The following GAS7 variants were observed in gnomAD, a reference collection of about 807,000 sequenced individuals.
GAS7 encodes the protein growth arrest-specific protein 7.
Under a neutral mutation model 71.1 loss-of-function variants are expected in GAS7, and 28 were observed. The ratio of observed to expected loss-of-function variants is 0.39; its 90% CI spans 0.29 to 0.54. The LOEUF is 0.54. GAS7 is among the 20% of genes least tolerant of loss of function. The pLI is 0.62. For missense variants in GAS7, 436 were observed against 627.8 expected (o/e 0.69, Z 3.27); for synonymous variants, 258 against 245.8 (o/e 1.05, Z -0.46).
At position 9,943,048 on chromosome 17, in the gene GAS7, G is replaced by A. The variant is rs2240740; in HGVS notation, c.731+73C>T. The A allele has an allele frequency of 0.043, 39,626 of 916,936 alleles. 2,011 individuals carry two copies. The highest frequency in any genetic ancestry group is 0.2 in the African/African-American group (12,388 of 61,040). 56.8% of individuals were successfully genotyped at this position (916,936 alleles called of 1,614,324 possible). A position where few individuals can be genotyped will look rare whatever the true frequency, so the allele number is the denominator to read the frequency against. On this transcript the variant is annotated intron_variant, in intron 7 of 13. Transcript: ENST00000432992. ...GTGCAGTACTGAGTCCTGTGCTGTC[G>A]CCCCGCCCCGGCCACGGGGCCCCGG...
intron 1 of GAS7, among the ~76,000 whole-genome samples, chr17:10,150,591 C>CTTTTTTT (rs3051271): frequency 0.57 from 66,716 of 118,024 alleles, 20,010 homozygotes; most frequent in African/African-American, 0.61. Flanking sequence ...TGTTACATTT[C>CTTTTTTT]TTTTTTTTTT....
chr17:10,184,867 G>C (rs2074440277), intron 1 of GAS7, among the ~76,000 whole-genome samples: 1 of 151,940 alleles, frequency 6.6e-6, no homozygotes, highest in South Asian at 2.1e-4. Flanking sequence ...AGCCCCACCT[G>C]CTGACCTCCA....
At chr17:10,028,108 T>C (rs1188287068) in intron 1 of GAS7, among the ~76,000 whole-genome samples, 3 of 152,250 alleles carry the variant, frequency 2.0e-5, no homozygotes, top group African/African-American at 2.4e-5. Flanking sequence ...TTTCACCGCG[T>C]TGGCCAGGAT....
intron 1 of GAS7, among the ~76,000 whole-genome samples, chr17:10,068,454 T>C (rs113242053): frequency 1.3e-5 from 2 of 152,028 alleles, no homozygotes; most frequent in Admixed American, 6.6e-5. Context: ...GCATATGTTT[T>C]ACTTCTGGTA....
intron 5 of GAS7, among the ~76,000 whole-genome samples, chr17:9,951,782 A>C (rs1372978537): frequency 6.8e-6 from 1 of 146,112 alleles, no homozygotes; most frequent in Non-Finnish European, 1.5e-5. Flanking sequence ...AAAAAAAAAA[A>C]AAAACAAGAA....
intron 2 of GAS7, among the ~76,000 whole-genome samples, chr17:10,017,066 G>A (rs9897528): frequency 0.058 from 8,673 of 149,912 alleles, 406 homozygotes; most frequent in African/African-American, 0.13. Flanking sequence ...AGGAGGTTGA[G>A]GCTGCAGTGA....
At chr17:10,029,480 T>C (rs1257529223) in intron 1 of GAS7, among the ~76,000 whole-genome samples, 1 of 152,234 alleles carries the variant, frequency 6.6e-6, no homozygotes, top group Non-Finnish European at 1.5e-5. Context: ...TTTCTAGTTA[T>C]ACAATCATGT....
chr17:10,055,993 C>T (rs1031687028), intron 1 of GAS7, among the ~76,000 whole-genome samples: 1 of 152,188 alleles, frequency 6.6e-6, no homozygotes, highest in Non-Finnish European at 1.5e-5. Flanking sequence ...AGTGAATTAT[C>T]CCCAATTCTG....
intron 1 of GAS7, among the ~76,000 whole-genome samples, chr17:10,110,265 G>A (rs1217218302): frequency 6.6e-6 from 1 of 152,046 alleles, no homozygotes; most frequent in Non-Finnish European, 1.5e-5. Context: ...CGGAACTGGA[G>A]GTTATTATGT....
At chr17:10,056,788 C>T (rs2073144137) in intron 1 of GAS7, among the ~76,000 whole-genome samples, 1 of 150,826 alleles carries the variant, frequency 6.6e-6, no homozygotes, top group Non-Finnish European at 1.5e-5. Context: ...CTCTCCCTCT[C>T]TTTCCACGGT....
chr17:9,919,750 C>T lies in GAS7; in HGVS notation c.1139-45G>A, dbSNP rs375916477. On this transcript the variant is annotated intron_variant, in intron 11 of 13. Coordinates refer to ENST00000432992, the MANE Select transcript of GAS7 (RefSeq NM_201433.2). The surrounding 1 kb of genome is among the most constrained non-coding windows in gnomAD (Gnocchi z 5.0). ...ACCATCATGAAGCATCCTATCCTCACCATGACTCTGTGCCCCACCCTGAGC... is the reference window on the plus strand; with the variant it reads ...ACCATCATGAAGCATCCTATCCTCATCATGACTCTGTGCCCCACCCTGAGC... 24 of 1,392,960 alleles carry T rather than the reference C, an allele frequency of 1.7e-5. No homozygotes were observed. The highest frequency in any genetic ancestry group is 9.9e-5 in the African/African-American group (7 of 70,688). 86.3% of individuals were successfully genotyped at this position (1,392,960 alleles called of 1,614,324 possible).
chr17:10,085,691 CAAA>C (rs1194345705), intron 1 of GAS7, among the ~76,000 whole-genome samples: 1 of 58,246 alleles, frequency 1.7e-5, no homozygotes. Flanking sequence ...GATTCCGTCT[CAAA>C]AAAAAAAAAA....
chr17:9,989,216 A>G (rs1189640813), intron 2 of GAS7, among the ~76,000 whole-genome samples: 1 of 151,720 alleles, frequency 6.6e-6, no homozygotes, highest in Non-Finnish European at 1.5e-5. Flanking sequence ...AAAGACCACC[A>G]TTTTCTGGCC....
intron 1 of GAS7, among the ~76,000 whole-genome samples, chr17:10,097,074 T>TG (rs1356814494): frequency 6.6e-6 from 1 of 152,250 alleles, no homozygotes; most frequent in Non-Finnish European, 1.5e-5. Context: ...CTGATGTCTC[T>TG]GTGCCTTTGC....
intron 11 of GAS7, among the ~76,000 whole-genome samples, chr17:9,921,753 A>G (rs1271145713): frequency 2.4e-4 from 36 of 152,012 alleles, no homozygotes; most frequent in Admixed American, 2.3e-3. Context: ...AGGTCAGGAC[A>G]TCGAGACCAT....
chr17:10,002,022 G>A (rs888138189), intron 2 of GAS7, among the ~76,000 whole-genome samples: 7 of 152,148 alleles, frequency 4.6e-5, no homozygotes, highest in Admixed American at 1.3e-4. Context: ...GCATCCTAGC[G>A]GACACGATAC....
At chr17:9,987,605 C>T (rs2070693528) in intron 2 of GAS7, among the ~76,000 whole-genome samples, 1 of 152,160 alleles carries the variant, frequency 6.6e-6, no homozygotes, top group Non-Finnish European at 1.5e-5. Flanking sequence ...CAGCAAGACC[C>T]TATCTCTATA....
At chr17:9,923,680 A>T (rs1319336174) in intron 11 of GAS7, among the ~76,000 whole-genome samples, 1 of 152,264 alleles carries the variant, frequency 6.6e-6, no homozygotes. Context: ...AACAGGCATT[A>T]TTCATAGATG....
intron 5 of GAS7, among the ~76,000 whole-genome samples, chr17:9,952,921 G>A (rs1045096914): frequency 3.9e-5 from 6 of 152,098 alleles, no homozygotes; most frequent in Non-Finnish European, 5.9e-5. Flanking sequence ...GTTCAACCAT[G>A]TGGAAAGCAA....
Sources: allele counts gnomAD v4.1 joint callset (sites outside exome capture counted in the v4.1 genomes callset), GRCh38; gene constraint gnomAD v4.1.1; non-coding constraint Gnocchi (gnomAD v3.1); transcripts MANE v1.5; gene names NCBI Gene and HGNC (gene_info 2026-07-23, HGNC 2026-07-21).